COMP: variants seen among roughly 807,000 people sequenced by gnomAD.
The protein encoded by COMP is cartilage oligomeric matrix protein.
In COMP, 79 loss-of-function variants were observed where a neutral mutation model predicts 95.8. The observed-to-expected ratio is 0.82, with a 90% confidence interval of 0.69 to 0.99. COMP has a LOEUF of 0.99. Among genes scored for constraint, COMP ranks in the 50% least tolerant of loss-of-function variants. The probability of loss-of-function intolerance (pLI) is 0.00; values close to 1 mark genes in which losing one functional copy is unlikely to be tolerated. For synonymous variants in COMP, 438 were observed against 433.9 expected (o/e 1.01, Z -0.12); for missense variants, 906 against 1,076.1 (o/e 0.84, Z 2.21).
In COMP at chr19:18,788,335, G is replaced by C. The variant is rs201775456; in HGVS notation, c.868-16C>G. ...CGCAGTTGTCCTGGGGGCGGGCACA[G>C]AAGGTGTGAGGGGCGCGGTCATGAA... On this transcript the variant is annotated splice_polypyrimidine_tract_variant and intron_variant, in intron 8 of 18. Coordinates refer to ENST00000222271, the MANE Select transcript of COMP (RefSeq NM_000095.3). This position sits in a 1 kb window ranked among gnomAD's most constrained non-coding sequence, Gnocchi z 4.7. The C allele has an allele frequency of 1.9e-6, 3 of 1,609,424 alleles. No homozygotes were observed. The highest frequency in any genetic ancestry group is 2.5e-6 in the Non-Finnish European group (3 of 1,179,462).
rs1231276282 is a variant in COMP, at chr19:18,787,569, A to G, written c.1057T>C (p.Ser353Pro). 6.2e-7 allele frequency: 1 copy of G among 1,613,376 alleles called. No individual in the cohort carries two copies. The highest frequency in any genetic ancestry group is 2.2e-5 in the East Asian group (1 of 44,836). ...KWGDACDNCR[S>P]QKNDDQKDTD... ...TCCTTTTGGTCGTCGTTCTTCTGGG[A>G]CCGGCAGTTGTCGCACGCATCGCCC... Residue 353 changes from serine (S) to proline (P), a missense_variant, in exon 10 of 19, where the codon TCC becomes CCC. By Grantham distance (74) the Ser-to-Pro change is moderately conservative (BLOSUM62 -1). Transcript: ENST00000222271.
In COMP at chr19:18,785,016, G is replaced by A; in HGVS notation, c.1794C>T (p.Gly598=). Residue 598 remains glycine, a synonymous_variant, in exon 16 of 19, where the codon GGC becomes GGT. Transcript: ENST00000222271. ...AGCTGTCCTGGTAGCCAAAGATGAAGCCCGCATAGTCGTCATCCGTGACCG... is the reference window on the plus strand; with the variant it reads ...AGCTGTCCTGGTAGCCAAAGATGAAACCCGCATAGTCGTCATCCGTGACCG... ...VNTVTDDDYA[G]FIFGYQDSSS... 1 of 1,614,100 alleles carries A rather than the reference G, an allele frequency of 6.2e-7. No individual in the cohort carries two copies. Among genetic ancestry groups the A allele is most frequent in the Non-Finnish European group, 8.5e-7 (1 of 1,180,010 alleles).
chr19:18,784,377 G>A lies in COMP; in HGVS notation c.1915-14C>T. 1 of 1,613,792 alleles carries A rather than the reference G, an allele frequency of 6.2e-7. No individual in the cohort carries two copies. Among genetic ancestry groups the A allele is most frequent in the Non-Finnish European group, 8.5e-7 (1 of 1,180,008 alleles). ...AGACTTCACAGCCTGCCAATACCCA[G>A]GAAAGGTGGTCAGAGACCTCGTGGG... On this transcript the variant is annotated splice_polypyrimidine_tract_variant and intron_variant, in intron 16 of 18. Coordinates refer to ENST00000222271, the MANE Select transcript of COMP (RefSeq NM_000095.3). The surrounding 1 kb of genome is among the most constrained non-coding windows in gnomAD (Gnocchi z 4.9).
intron 18 of COMP, 37 bp from the exon 19 acceptor site, chr19:18,782,998 G>T (rs761432619): frequency 1.2e-6 from 2 of 1,612,048 alleles, no homozygotes; most frequent in Non-Finnish European, 1.7e-6. Flanking sequence ...GGCTGAGAAG[G>T]CCAGCAGGGC....
In COMP at chr19:18,789,166, G is replaced by A; in HGVS notation, c.522C>T (p.Asn174=). 6.3e-7 allele frequency: 1 copy of A among 1,581,344 alleles called. No individual in the cohort carries two copies. Among genetic ancestry groups the A allele is most frequent in the Admixed American group, 1.9e-5 (1 of 52,700 alleles). Residue 174 remains asparagine, a synonymous_variant, in exon 5 of 19, where the codon AAC becomes AAT. Coordinates refer to ENST00000222271, the MANE Select transcript of COMP (RefSeq NM_000095.3). This position sits in a 1 kb window ranked among gnomAD's most constrained non-coding sequence, Gnocchi z 6.1. ...QGVGLAFAKA[N]KQVCTDINEC... is the part of the protein sequence containing the mutation. The stretch of plus-strand genomic sequence containing the variant: ...GGGCCCCCACACCTCTCACCTGCTT[G>A]TTGGCCTTGGCGAAAGCCAGCCCCA...
rs768270282 is a variant in COMP at position 18,785,630 on chromosome 19, G to A, written c.1668+43C>T. On this transcript the variant is annotated intron_variant, in intron 14 of 18. Coordinates refer to ENST00000222271, the MANE Select transcript of COMP (RefSeq NM_000095.3). ...TCCTCAGCATAGGCCTCACTGTGGG[G>A]GTTCTAGGGTCCCATCACCCCCCAC... is the stretch of plus-strand genomic sequence containing the variant. The A allele has an allele frequency of 3.7e-6, 6 of 1,613,378 alleles. 1 individual carries two copies. The Admixed American group carries it at 1.0e-4, about 27-fold the overall frequency.
intron 15 of COMP, 21 bp downstream of exon 15, chr19:18,785,477 G>A: frequency 6.2e-7 from 1 of 1,612,728 alleles, no homozygotes. Context: ...TGGCAGGATA[G>A]CGCTGCTCCC....
Position 18,788,223 on chromosome 19 carries a change from G to T in COMP, c.964C>A (p.Pro322Thr), listed in dbSNP as rs769921604. ...AGCCGTAGATCTACCTTTTCATTGG[G>T]GACCCCGTCCCCGTCGGCATCCGGA... ...CDPDADGDGV[P>T]NEKDNCPLVR... Residue 322 changes from proline (P) to threonine (T), a missense_variant, in exon 9 of 19, where the codon CCC becomes ACC. Physicochemically the swap from Pro to Thr is conservative, Grantham distance 38. Coordinates refer to ENST00000222271, the MANE Select transcript of COMP (RefSeq NM_000095.3). The surrounding 1 kb of genome is among the most constrained non-coding windows in gnomAD (Gnocchi z 4.7). 6.2e-7 allele frequency: 1 copy of T among 1,612,998 alleles called. No individual in the cohort carries two copies. The highest frequency in any genetic ancestry group is 8.5e-7 in the Non-Finnish European group (1 of 1,179,916).
intron 10 of COMP, 68 bp from the exon 11 acceptor site, chr19:18,786,718 G>A (rs1241562705): frequency 1.7e-6 from 2 of 1,147,522 alleles, no homozygotes; most frequent in Non-Finnish European, 2.6e-6. Flanking sequence ...TTAGGATGAG[G>A]CCAGCCTGAG....
rs777267385 is a variant in COMP at position 18,788,776 on chromosome 19, C to T, written c.604-26G>A. 2 of 1,601,376 alleles carry T rather than the reference C, an allele frequency of 1.2e-6. No homozygotes were observed. The highest frequency in any genetic ancestry group is 1.7e-5 in the Admixed American group (1 of 58,836). Reference sequence around the variant, plus strand: ...CTGCGCCGGAGCCGCCGGAGGTCAGCGCAGGCCGCCCGCCGCTCGCCCCAC... The same window carrying T: ...CTGCGCCGGAGCCGCCGGAGGTCAGTGCAGGCCGCCCGCCGCTCGCCCCAC... On this transcript the variant is annotated intron_variant, in intron 6 of 18. Transcript: ENST00000222271. The surrounding 1 kb of genome is among the most constrained non-coding windows in gnomAD (Gnocchi z 4.7).
chr19:18,783,166 C>T lies in COMP; in HGVS notation c.2115G>A (p.Leu705=). Residue 705 remains leucine, a synonymous_variant, in exon 18 of 19, where the codon CTG becomes CTA. Coordinates refer to ENST00000222271, the MANE Select transcript of COMP (RefSeq NM_000095.3). ...CCAAGACCACGTTGCTGTCGGCCAC[C>T]AGCTCAGGGCCCTCATAGAATCGCA... ...IRVRFYEGPE[L]VADSNVVLDT... The T allele has an allele frequency of 6.2e-7, 1 of 1,609,286 alleles. No individual in the cohort carries two copies. Among genetic ancestry groups the T allele is most frequent in the Non-Finnish European group, 8.5e-7 (1 of 1,180,020 alleles).
Position 18,782,914 on chromosome 19 carries a change from C to G in COMP, c.*1G>C, listed in dbSNP as rs77185131. The G allele has an allele frequency of 0.012, 19,264 of 1,611,440 alleles. 1,650 individuals carry two copies. The African/African-American group carries it at 0.21, about 17-fold the overall frequency. On this transcript the variant is annotated 3_prime_UTR_variant, in exon 19 of 19. Transcript: ENST00000222271. ...CATCCGGCGGGTCCTCACCCTGGTC[C>G]CTAGGCTTGCCGCAGCTGATGGGTC... is the stretch of plus-strand genomic sequence containing the variant.
intron 17 of COMP, 43 bp from the exon 18 acceptor site, chr19:18,783,236 C>T (rs538289205): frequency 1.3e-6 from 2 of 1,598,364 alleles, no homozygotes; most frequent in Admixed American, 1.7e-5. Context: ...CTGGGCCAGA[C>T]CCTTCCCTCT....
rs1431244730 is a variant in COMP at position 18,782,881 on chromosome 19, G to T, written c.*34C>A. ...GAGCCCCCATCCAGCCGCGGTGAGG[G>T]TGGCTGTCATCCGGCGGGTCCTCAC... is the stretch of plus-strand genomic sequence containing the variant. On this transcript the variant is annotated 3_prime_UTR_variant, in exon 19 of 19. Transcript: ENST00000222271. 5 of 1,608,168 alleles carry T rather than the reference G, an allele frequency of 3.1e-6. No individual in the cohort carries two copies. The highest frequency in any genetic ancestry group is 3.4e-6 in the Non-Finnish European group (4 of 1,179,526).
intron 9 of COMP, among the ~76,000 whole-genome samples, 182 bp from the exon 10 acceptor site, chr19:18,787,832 A>C (rs893354274): frequency 3.5e-5 from 5 of 141,046 alleles, no homozygotes; most frequent in Non-Finnish European, 6.2e-5. Context: ...CCCCGCTCAC[A>C]GCTCTGTCTT....
Position 18,788,865 on chromosome 19 carries a change from G to T in COMP, c.577C>A (p.Pro193Thr). ...ECETGQHNCV[P>T]NSVCINTRGS... Reference sequence around the variant, plus strand: ...CGGGTGTTGATGCACACGGAGTTGGGGACGCAGTTATGTTGCCCGGTCTCA... The same window carrying T: ...CGGGTGTTGATGCACACGGAGTTGGTGACGCAGTTATGTTGCCCGGTCTCA... Residue 193 changes from proline to threonine, a missense_variant, in exon 6 of 19, where the codon CCC becomes ACC. Pro to Thr is a conservative substitution (Grantham distance 38, BLOSUM62 -1). Coordinates refer to ENST00000222271, the MANE Select transcript of COMP (RefSeq NM_000095.3). This position sits in a 1 kb window ranked among gnomAD's most constrained non-coding sequence, Gnocchi z 4.7. The T allele has an allele frequency of 3.1e-6, 5 of 1,613,982 alleles. No individual in the cohort carries two copies. The highest frequency in any genetic ancestry group is 4.2e-6 in the Non-Finnish European group (5 of 1,179,980).
chr19:18,789,864 AG>A lies in COMP; in HGVS notation c.390+77del. ...CGGGGCGAACACTCCCAGTGGAGGA[AG>A]GGGTCTCCCGGGCGGCGAGAGATTG... is the stretch of plus-strand genomic sequence containing the variant. On this transcript the variant is annotated intron_variant, in intron 4 of 18. Coordinates refer to ENST00000222271, the MANE Select transcript of COMP (RefSeq NM_000095.3). The surrounding 1 kb of genome is among the most constrained non-coding windows in gnomAD (Gnocchi z 6.1). 2.0e-6 allele frequency: 3 copies of A among 1,511,088 alleles called. No individual in the cohort carries two copies. The highest frequency in any genetic ancestry group is 2.3e-4 in the Middle Eastern group (1 of 4,294). The allele number at this position is 1,511,088 out of a possible 1,614,324, so 93.6% of individuals were successfully genotyped here.
At chr19:18,785,410 G>T (rs913131513) in intron 15 of COMP, 88 bp downstream of exon 15, 4 of 1,043,116 alleles carry the variant, frequency 3.8e-6, no homozygotes, top group Non-Finnish European at 3.8e-6. Flanking sequence ...TTCTGGCCCC[G>T]CCCATTCTCA....
At chr19:18,790,468 TCTTTTC>T in intron 3 of COMP, 88 bp downstream of exon 3, 7 of 1,527,334 alleles carry the variant, frequency 4.6e-6, no homozygotes, top group Non-Finnish European at 6.3e-6. Flanking sequence ...TCCTTCCGTC[TCTTTTC>T]CTCCCCAGCT....
Sources: gnomAD v4.1 joint callset for allele counts (sites outside exome capture counted in the v4.1 genomes callset) on GRCh38, gnomAD v4.1.1 for gene constraint, Gnocchi (gnomAD v3.1) non-coding constraint, MANE v1.5 for transcripts, NCBI Gene and HGNC (gene_info 2026-07-23, HGNC 2026-07-21) for gene names.